PGM1: variants seen among roughly 807,000 people sequenced by gnomAD.
PGM1 encodes phosphoglucomutase-1.
Under a neutral mutation model 55.6 loss-of-function variants are expected in PGM1, and 52 were observed. That is an observed-to-expected ratio of 0.94 (90% CI 0.75 to 1.18). The LOEUF (loss-of-function observed/expected upper bound fraction) is 1.18. Ranked by LOEUF, PGM1 falls within the 50% of genes most tolerant of loss-of-function variation. The probability of loss-of-function intolerance (pLI) is 0.00; values close to 1 mark genes in which losing one functional copy is unlikely to be tolerated. For missense variants in PGM1, 724 were observed against 729.3 expected, an observed-to-expected ratio of 0.99 and a Z score of 0.08; for synonymous variants, 287 against 271.7, an observed-to-expected ratio of 1.06 and a Z score of -0.55.
intron 1 of PGM1, among the ~76,000 whole-genome samples, chr1:63,615,476 A>G (rs1238160801): frequency 2.0e-5 from 3 of 151,232 alleles, no homozygotes; most frequent in Non-Finnish European, 2.9e-5. Flanking sequence ...TGGCCAGACC[A>G]TATAATTGAA....
In PGM1 at chr1:63,648,484, G is replaced by A. The variant is rs775366098; in HGVS notation, c.1145-33G>A. 2.7e-5 allele frequency: 43 copies of A among 1,613,690 alleles called. No individual in the cohort carries two copies. The Admixed American group carries it at 4.8e-4, about 18-fold the overall frequency. On this transcript the variant is annotated intron_variant, in intron 7 of 10. Transcript: ENST00000371084. ...CTTCTCAGGTACTGGGAGAAAGCAC[G>A]TTTCTTACAGCAGCTTGCTGTCCCC...
chr1:63,594,450 G>A (rs1039989331), intron 1 of PGM1, among the ~76,000 whole-genome samples: 1 of 152,038 alleles, frequency 6.6e-6, no homozygotes, highest in African/African-American at 2.4e-5. Flanking sequence ...TTCCACCGAC[G>A]GGGCTGGAGC....
At chr1:63,633,564 T>G (rs1649254783) in intron 4 of PGM1, among the ~76,000 whole-genome samples, 1 of 152,182 alleles carries the variant, frequency 6.6e-6, no homozygotes, top group African/African-American at 2.4e-5. Flanking sequence ...ATGAAAATAC[T>G]CTCTCAGCAT....
At chr1:63,604,190 G>A (rs1194733562) in intron 1 of PGM1, among the ~76,000 whole-genome samples, 5 of 152,160 alleles carry the variant, frequency 3.3e-5, no homozygotes, top group Admixed American at 6.6e-5. Flanking sequence ...TGTACACCAC[G>A]TAGCCTATAA....
At chr1:63,651,973 G>T (rs1408962764) in intron 9 of PGM1, 121 bp downstream of exon 9, 4 of 938,080 alleles carry the variant, frequency 4.3e-6, no homozygotes, top group Admixed American at 2.0e-5. Flanking sequence ...TTTTTCTAGG[G>T]TAGCTGTTCT....
intron 1 of PGM1, among the ~76,000 whole-genome samples, chr1:63,594,944 G>C (rs563509919): frequency 1.7e-4 from 24 of 138,278 alleles, no homozygotes; most frequent in African/African-American, 6.7e-4. Flanking sequence ...CTCGGCGACA[G>C]AGCGAGACTC....
chr1:63,594,960 C>CAAAAAAAAAAAAAAA (rs56084088), intron 1 of PGM1, among the ~76,000 whole-genome samples: 1 of 93,116 alleles, frequency 1.1e-5, no homozygotes, highest in Non-Finnish European at 2.1e-5. Context: ...GACTCCGTCT[C>CAAAAAAAAAAAAAAA]AAAAAAAAAA....
At chr1:63,645,547 C>T (rs536832243) in intron 7 of PGM1, among the ~76,000 whole-genome samples, 1 of 152,060 alleles carries the variant, frequency 6.6e-6, no homozygotes, top group Admixed American at 6.6e-5. Flanking sequence ...TTGCAAAAGC[C>T]GTAAGAGCCA....
At chr1:63,594,081 C>A in intron 1 of PGM1, 1 of 1,050,170 alleles carries the variant, frequency 9.5e-7, no homozygotes, top group Non-Finnish European at 1.1e-6. Flanking sequence ...TGACATTTGC[C>A]CTAACCTTGC....
chr1:63,631,587 G>A (rs887008589), intron 3 of PGM1, 70 bp from the exon 4 acceptor site: 18 of 1,448,526 alleles, frequency 1.2e-5, no homozygotes, highest in Middle Eastern at 1.7e-4. Context: ...CAGCAATATA[G>A]TCACATCAGA....
Position 63,634,986 on chromosome 1 carries a change from G to A in PGM1, c.840G>A (p.Glu280=). 6.2e-7 allele frequency: 1 copy of A among 1,614,068 alleles called. No individual in the cohort carries two copies. The highest frequency in any genetic ancestry group is 8.5e-7 in the Non-Finnish European group (1 of 1,180,010). The change falls in exon 5 of 11, where the codon GAG becomes GAA. Residue 280 remains glutamate, a synonymous_variant. Transcript: ENST00000371084. ...TGGTGGAGACCATGAAGTCAGGAGAGCATGATTTTGGGGCTGCCTTTGATG... is the reference window on the plus strand; with the variant it reads ...TGGTGGAGACCATGAAGTCAGGAGAACATGATTTTGGGGCTGCCTTTGATG... The part of the protein sequence containing the change: ...ADLVETMKSG[E]HDFGAAFDGD...
intron 10 of PGM1, 137 bp from the exon 11 acceptor site, chr1:63,659,449 C>T: frequency 9.6e-6 from 7 of 728,748 alleles, no homozygotes; most frequent in Non-Finnish European, 1.8e-5. Context: ...GGGGAAATAA[C>T]ATGTGTTTGT....
chr1:63,621,191 C>G (rs1648869832), intron 1 of PGM1, among the ~76,000 whole-genome samples: 1 of 152,044 alleles, frequency 6.6e-6, no homozygotes, highest in African/African-American at 2.4e-5. Context: ...TTGACAAACA[C>G]CATGCCTGGC....
At chr1:63,612,196 G>T (rs1159703783) in intron 1 of PGM1, among the ~76,000 whole-genome samples, 3 of 152,092 alleles carry the variant, frequency 2.0e-5, no homozygotes, top group African/African-American at 7.2e-5. Flanking sequence ...GGCAGAGGTT[G>T]CAGTGAGCCG....
chr1:63,636,306 A>G lies in PGM1; in HGVS notation c.946A>G (p.Asn316Asp), dbSNP rs1570501127. ...PSDSVAVIAA[N>D]IFSIPYFQQT... ...AGACTCTGTGGCTGTCATTGCTGCC[A>G]ACATCTTCAGCATTCCGTATTTCCA... The change falls in exon 6 of 11, where the codon AAC becomes GAC. Residue 316 changes from asparagine (N) to aspartate (D), a missense_variant. Physicochemically the swap from Asn to Asp is conservative, Grantham distance 23 (BLOSUM62 1). Around this residue, in one of 3 missense-constraint regions of PGM1, gnomAD observed 29 missense variants for 58.7 expected, o/e 0.49. Coordinates refer to ENST00000371084, the MANE Select transcript of PGM1 (RefSeq NM_002633.3). 1 of 1,613,992 alleles carries G rather than the reference A, an allele frequency of 6.2e-7. No individual in the cohort carries two copies. The highest frequency in any genetic ancestry group is 1.7e-5 in the Admixed American group (1 of 60,002).
chr1:63,655,182 A>C (rs1649928771), intron 10 of PGM1, among the ~76,000 whole-genome samples: 1 of 149,016 alleles, frequency 6.7e-6, no homozygotes, highest in African/African-American at 2.5e-5. Flanking sequence ...GTCTTAGTAC[A>C]TTGCCTAGGC....
chr1:63,645,251 G>C (rs1289241995), intron 7 of PGM1, among the ~76,000 whole-genome samples: 1 of 152,204 alleles, frequency 6.6e-6, no homozygotes, highest in Non-Finnish European at 1.5e-5. Context: ...AACTTGGCCA[G>C]AGTTGGGTAA....
chr1:63,642,285 A>G (rs2100993665), intron 7 of PGM1, among the ~76,000 whole-genome samples: 1 of 152,314 alleles, frequency 6.6e-6, no homozygotes, highest in Middle Eastern at 3.4e-3. Flanking sequence ...TATACATTAT[A>G]CATTAGTCTG....
intron 1 of PGM1, among the ~76,000 whole-genome samples, chr1:63,607,457 G>GA (rs1648452345): frequency 6.6e-6 from 1 of 152,110 alleles, no homozygotes; most frequent in Non-Finnish European, 1.5e-5. Context: ...AACACAGAAG[G>GA]AAAAAGAGAT....
Sources: allele counts gnomAD v4.1 joint callset (sites outside exome capture counted in the v4.1 genomes callset), GRCh38; gene constraint gnomAD v4.1.1; regional missense constraint gnomAD v4.1.1; transcripts MANE v1.5; gene names NCBI Gene and HGNC (gene_info 2026-07-23, HGNC 2026-07-21).